Variants in SORCS2 observed in about 807,000 individuals in gnomAD.
SORCS2 encodes the protein VPS10 domain-containing receptor SorCS2.
SORCS2 carries 100 observed loss-of-function variants against 141.6 expected under a neutral mutation model. That is an observed-to-expected ratio of 0.71 (90% confidence interval 0.60 to 0.83). The LOEUF (loss-of-function observed/expected upper bound fraction) is 0.83. Among genes scored for constraint, SORCS2 ranks in the 40% least tolerant of loss-of-function variants. The probability of loss-of-function intolerance (pLI) is 0.00; values close to 1 mark genes in which losing one functional copy is unlikely to be tolerated. For missense variants in SORCS2, 1,646 were observed against 1,560.2 expected, an observed-to-expected ratio of 1.05 and a Z score of -0.93; for synonymous variants, 789 against 676.9, an observed-to-expected ratio of 1.17 and a Z score of -2.57.
chr4:7,628,108 C>T (rs776195388), intron 3 of SORCS2, among the ~76,000 whole-genome samples: 5 of 152,170 alleles, frequency 3.3e-5, no homozygotes, highest in Admixed American at 6.5e-5. Context: ...CTAAGGGAGG[C>T]GGGGGTGTGT....
At chr4:7,443,789 A>G (rs1727827077) in intron 2 of SORCS2, among the ~76,000 whole-genome samples, 1 of 152,212 alleles carries the variant, frequency 6.6e-6, no homozygotes, top group South Asian at 2.1e-4. Flanking sequence ...AGCATCTCCC[A>G]TGTGGCCTGG....
At chr4:7,722,598 T>G (rs1726665996) in intron 18 of SORCS2, among the ~76,000 whole-genome samples, 1 of 152,148 alleles carries the variant, frequency 6.6e-6, no homozygotes, top group South Asian at 2.1e-4. Flanking sequence ...CGTGCCCAAA[T>G]CTCCCTCTCC....
intron 3 of SORCS2, among the ~76,000 whole-genome samples, chr4:7,567,998 C>A (rs1168972883): frequency 6.6e-6 from 1 of 152,160 alleles, no homozygotes; most frequent in Non-Finnish European, 1.5e-5. Context: ...TTTATGAGCA[C>A]GTCCTTGCTT....
intron 4 of SORCS2, among the ~76,000 whole-genome samples, chr4:7,640,215 GGT>G (rs1181451612): frequency 7.8e-6 from 1 of 128,818 alleles, no homozygotes; most frequent in East Asian, 2.2e-4. Flanking sequence ...TACATGTATG[GGT>G]GTGTATGAGC....
At chr4:7,294,466 A>T (rs532916020) in intron 1 of SORCS2, among the ~76,000 whole-genome samples, 1 of 151,956 alleles carries the variant, frequency 6.6e-6, no homozygotes, top group East Asian at 1.9e-4. Flanking sequence ...ATCATCAGAG[A>T]GGCCTCTGAC....
intron 2 of SORCS2, among the ~76,000 whole-genome samples, chr4:7,400,769 G>GGA (rs1290191746): frequency 1.8e-4 from 28 of 151,554 alleles, no homozygotes; most frequent in African/African-American, 7.3e-5. Flanking sequence ...ATGGATGGAT[G>GGA]TATGGATGGA....
intron 2 of SORCS2, among the ~76,000 whole-genome samples, chr4:7,473,545 C>G (rs1730108730): frequency 6.6e-6 from 1 of 152,204 alleles, no homozygotes; most frequent in African/African-American, 2.4e-5. Context: ...CTTCTAGCAG[C>G]TTGGCAGGTG....
chr4:7,417,448 TTGGGGG>T (rs1725772466), intron 2 of SORCS2, among the ~76,000 whole-genome samples: 1 of 152,144 alleles, frequency 6.6e-6, no homozygotes, highest in Non-Finnish European at 1.5e-5. Flanking sequence ...GGATGGTAGC[TTGGGGG>T]TAGAAGCTAG....
chr4:7,338,818 C>T (rs1720186380), intron 1 of SORCS2, among the ~76,000 whole-genome samples: 1 of 152,214 alleles, frequency 6.6e-6, no homozygotes, highest in Admixed American at 6.5e-5. Flanking sequence ...GTTATAATTC[C>T]TCTGGCCCAG....
intron 2 of SORCS2, among the ~76,000 whole-genome samples, chr4:7,498,109 C>T (rs1731741463): frequency 6.6e-6 from 1 of 152,188 alleles, no homozygotes; most frequent in South Asian, 2.1e-4. Context: ...GGCTGCCCTT[C>T]CACTGGGGGG....
At chr4:7,528,768 G>A (rs538486093) in intron 2 of SORCS2, among the ~76,000 whole-genome samples, 1 of 152,156 alleles carries the variant, frequency 6.6e-6, no homozygotes, top group African/African-American at 2.4e-5. Context: ...CCTTGTACCT[G>A]GAACGCAGCT....
chr4:7,279,027 A>G (rs2108855675), intron 1 of SORCS2, among the ~76,000 whole-genome samples: 1 of 152,204 alleles, frequency 6.6e-6, no homozygotes, highest in South Asian at 2.1e-4. Flanking sequence ...TACCCCTGCA[A>G]ACGAATACCC....
At chr4:7,401,782 C>T (rs1447300437) in intron 2 of SORCS2, among the ~76,000 whole-genome samples, 2 of 152,188 alleles carry the variant, frequency 1.3e-5, no homozygotes, top group Non-Finnish European at 2.9e-5. Flanking sequence ...GACCTTCATC[C>T]AGGGGCAGTC....
chr4:7,724,129 G>GATGGTC (rs1439918312), intron 19 of SORCS2, among the ~76,000 whole-genome samples: 16 of 140,682 alleles, frequency 1.1e-4, no homozygotes, highest in African/African-American at 4.6e-4. Flanking sequence ...TGGTGGTGGT[G>GATGGTC]GTGGTGGTGG....
At chr4:7,304,370 C>T (rs916151995) in intron 1 of SORCS2, among the ~76,000 whole-genome samples, 2 of 152,178 alleles carry the variant, frequency 1.3e-5, no homozygotes, top group African/African-American at 2.4e-5. Flanking sequence ...CTCCCTCTTT[C>T]CTGCCTCCTT....
chr4:7,375,898 C>T (rs929050851), intron 1 of SORCS2, among the ~76,000 whole-genome samples: 2 of 152,072 alleles, frequency 1.3e-5, no homozygotes, highest in Admixed American at 6.5e-5. Context: ...GTTATTCGTG[C>T]GCAGGTTACT....
intron 1 of SORCS2, among the ~76,000 whole-genome samples, chr4:7,388,101 T>C (rs1284004675): frequency 1.5e-5 from 2 of 129,282 alleles, no homozygotes; most frequent in Non-Finnish European, 3.3e-5. Flanking sequence ...CACACATGCA[T>C]GCACAGACAC....
intron 11 of SORCS2, among the ~76,000 whole-genome samples, chr4:7,692,675 T>A (rs1724333843): frequency 1.3e-5 from 2 of 152,028 alleles, no homozygotes; most frequent in Admixed American, 1.3e-4. Context: ...TGATGCCGAG[T>A]GTTCCTACAA....
chr4:7,696,100 A>G (rs1193976432), intron 11 of SORCS2, among the ~76,000 whole-genome samples: 1 of 152,204 alleles, frequency 6.6e-6, no homozygotes, highest in Non-Finnish European at 1.5e-5. Flanking sequence ...TAATTCATCT[A>G]TTTGAGGACA....
Sources: gnomAD v4.1 joint callset for allele counts (sites outside exome capture counted in the v4.1 genomes callset) on GRCh38, gnomAD v4.1.1 for gene constraint, MANE v1.5 for transcripts, NCBI Gene and HGNC (gene_info 2026-07-23, HGNC 2026-07-21) for gene names.